The following PRKCA variants were observed in gnomAD, a reference collection of about 807,000 sequenced individuals.
PRKCA encodes protein kinase C alpha.
In PRKCA, 27 loss-of-function variants were observed where a neutral mutation model predicts 87.0. The observed-to-expected ratio is 0.31, with a 90% CI of 0.23 to 0.43. The LOEUF is 0.43. PRKCA is among the 20% of genes least tolerant of loss of function. PRKCA has a pLI of 1.00. For missense variants in PRKCA, 518 were observed against 852.3 expected (o/e 0.61, Z 4.88); for synonymous variants, 329 against 311.1 (o/e 1.06, Z -0.61).
chr17:66,807,680 C>T lies in PRKCA; in HGVS notation c.*3643C>T, dbSNP rs925999048. The T allele has an allele frequency of 2.0e-5, 3 of 152,146 alleles. No homozygotes were observed. Among genetic ancestry groups the T allele is most frequent in the East Asian group, 3.8e-4 (2 of 5,198 alleles). The allele number at this position is 152,146 out of a possible 1,614,324, so 9.4% of individuals were successfully genotyped here. A position where few individuals can be genotyped will look rare whatever the true frequency, so the allele number is the denominator to read the frequency against. ...GGGCCAAGAGCTCTGGAAGCCTGGC[C>T]GGAAAGACCAAGGTTCATGCAGCCC... is the stretch of plus-strand genomic sequence containing the variant. On this transcript the variant is annotated 3_prime_UTR_variant, in exon 17 of 17. Coordinates refer to ENST00000413366, the MANE Select transcript of PRKCA (RefSeq NM_002737.3). The surrounding 1 kb of genome is among the most constrained non-coding windows in gnomAD (Gnocchi z 4.3).
At chr17:66,551,430 A>G (rs1408122395) in intron 3 of PRKCA, among the ~76,000 whole-genome samples, 1 of 152,240 alleles carries the variant, frequency 6.6e-6, no homozygotes, top group East Asian at 1.9e-4. Context: ...TGCTTTTCGC[A>G]GGGTTTAGTT....
At chr17:66,745,250 A>G (rs929690367) in intron 13 of PRKCA, among the ~76,000 whole-genome samples, 2 of 152,220 alleles carry the variant, frequency 1.3e-5, no homozygotes, top group African/African-American at 4.8e-5. Context: ...GGGCCTCTTC[A>G]TACACAGAGA....
At chr17:66,529,525 C>T (rs1201595239) in intron 3 of PRKCA, among the ~76,000 whole-genome samples, 1 of 152,146 alleles carries the variant, frequency 6.6e-6, no homozygotes, top group East Asian at 1.9e-4. Context: ...GTGGAATTGA[C>T]ATTACCCGAT....
intron 3 of PRKCA, among the ~76,000 whole-genome samples, chr17:66,550,685 G>A (rs12940267): frequency 6.6e-6 from 1 of 152,096 alleles, no homozygotes. Flanking sequence ...TCTGGGAATA[G>A]AAATGGGAAA....
chr17:66,740,875 C>G (rs974573313), intron 11 of PRKCA, among the ~76,000 whole-genome samples: 5 of 152,152 alleles, frequency 3.3e-5, no homozygotes, highest in Admixed American at 6.5e-5. Context: ...TCACCCTCCC[C>G]CTTTCTGTAC....
rs1179107664 is a variant in PRKCA, at chr17:66,798,462, T to C, written c.1855-5411T>C. Among the ~76,000 whole-genome samples, 121 of 77,576 alleles carry C rather than the reference T, an allele frequency of 1.6e-3. 1 individual carries two copies. Among genetic ancestry groups the C allele is most frequent in the East Asian group, 3.7e-3 (9 of 2,408 alleles). The allele number at this position is 77,576 out of a possible 152,430, so 50.9% of individuals were successfully genotyped here. A position where few individuals can be genotyped will look rare whatever the true frequency, so the allele number is the denominator to read the frequency against. ...GTGGTGGTGGTGGTGACGGTGGTGG[T>C]GGTGGTGGTGGTGGTGGTGGTGGTG... On this transcript the variant is annotated intron_variant, in intron 16 of 16. Coordinates refer to ENST00000413366, the MANE Select transcript of PRKCA (RefSeq NM_002737.3).
chr17:66,390,785 C>T lies in PRKCA; in HGVS notation c.205+84658C>T, dbSNP rs1910316820. ...TGCAAAGCCATCGGAAGAGAATTCCCTATGGGGTGAGCAGCCATAGTTGGC... is the reference window on the plus strand; with the variant it reads ...TGCAAAGCCATCGGAAGAGAATTCCTTATGGGGTGAGCAGCCATAGTTGGC... On this transcript the variant is annotated intron_variant, in intron 2 of 16. Coordinates refer to ENST00000413366, the MANE Select transcript of PRKCA (RefSeq NM_002737.3). Among the ~76,000 whole-genome samples, 3 of 152,320 alleles carry T rather than the reference C, an allele frequency of 2.0e-5. No individual in the cohort carries two copies. The South Asian group carries it at 6.2e-4, about 32-fold the overall frequency.
At chr17:66,741,080 C>T (rs1223418168) in intron 11 of PRKCA, among the ~76,000 whole-genome samples, 4 of 152,150 alleles carry the variant, frequency 2.6e-5, no homozygotes, top group Admixed American at 6.5e-5. Flanking sequence ...ATATTCGCCT[C>T]CTTTTAATCT....
At chr17:66,380,930 A>G (rs11658665) in intron 2 of PRKCA, among the ~76,000 whole-genome samples, 1 of 149,190 alleles carries the variant, frequency 6.7e-6, no homozygotes, top group South Asian at 2.1e-4. Flanking sequence ...AGGTATTTTT[A>G]TTTTTTATTT....
rs1464096101 is a variant in PRKCA, at chr17:66,404,714, A to G, written c.206-91487A>G. Among the ~76,000 whole-genome samples, 11 of 123,126 alleles carry G rather than the reference A, an allele frequency of 8.9e-5. No individual in the cohort carries two copies. In the Admixed American group the frequency reaches 1.0e-3, roughly 11 times the overall value. The allele number at this position is 123,126 out of a possible 152,430, so 80.8% of individuals were successfully genotyped here. ...CTCAGTCTCTGTTCCACACACTCCCATGCTGGCTGCTGGAAAGGATGGTAG... is the reference window on the plus strand; with the variant it reads ...CTCAGTCTCTGTTCCACACACTCCCGTGCTGGCTGCTGGAAAGGATGGTAG... On this transcript the variant is annotated intron_variant, in intron 2 of 16. Coordinates refer to ENST00000413366, the MANE Select transcript of PRKCA (RefSeq NM_002737.3).
chr17:66,417,355 G>C (rs1041554618), intron 2 of PRKCA, among the ~76,000 whole-genome samples: 4 of 152,126 alleles, frequency 2.6e-5, no homozygotes, highest in Non-Finnish European at 5.9e-5. Flanking sequence ...GTGAACTTTG[G>C]TCCCTAAAGA....
chr17:66,694,480 C>CAAAAA (rs57941055), intron 8 of PRKCA, among the ~76,000 whole-genome samples: 3 of 35,206 alleles, frequency 8.5e-5, no homozygotes, highest in African/African-American at 2.7e-4. Context: ...GACTCTGTCT[C>CAAAAA]AAAAAAAAAA....
At chr17:66,715,900 A>T (rs1973461055) in intron 8 of PRKCA, among the ~76,000 whole-genome samples, 1 of 152,202 alleles carries the variant, frequency 6.6e-6, no homozygotes, top group Non-Finnish European at 1.5e-5. Context: ...ATACCACAAG[A>T]GGGCAGTAAA....
intron 2 of PRKCA, among the ~76,000 whole-genome samples, chr17:66,436,774 G>C (rs947029497): frequency 2.6e-5 from 4 of 152,176 alleles, no homozygotes; most frequent in Non-Finnish European, 5.9e-5. Flanking sequence ...GAAAGACACA[G>C]ACAATGGAAT....
intron 3 of PRKCA, among the ~76,000 whole-genome samples, chr17:66,569,420 T>G (rs1352242924): frequency 6.6e-6 from 1 of 151,984 alleles, no homozygotes; most frequent in Non-Finnish European, 1.5e-5. Flanking sequence ...AATACAAAAA[T>G]TAGCCAGGCA....
intron 8 of PRKCA, among the ~76,000 whole-genome samples, chr17:66,726,811 G>A (rs1050707562): frequency 1.3e-5 from 2 of 151,388 alleles, no homozygotes; most frequent in South Asian, 2.1e-4. Context: ...TGCAACCTTC[G>A]CCTCCTGGGT....
At chr17:66,687,370 C>T (rs1972658912) in intron 6 of PRKCA, 103 bp downstream of exon 6, 1 of 1,327,258 alleles carries the variant, frequency 7.5e-7, no homozygotes, top group Non-Finnish European at 1.0e-6. Flanking sequence ...CGTCTTTAAA[C>T]ATGTCTTCAG....
intron 13 of PRKCA, among the ~76,000 whole-genome samples, chr17:66,755,049 A>T (rs926620393): frequency 3.3e-5 from 5 of 152,136 alleles, no homozygotes; most frequent in Non-Finnish European, 5.9e-5. Flanking sequence ...TTCTAGACCC[A>T]GTCGCTCCAC....
intron 3 of PRKCA, among the ~76,000 whole-genome samples, chr17:66,629,465 G>T (rs1181592606): frequency 6.6e-6 from 1 of 152,092 alleles, no homozygotes; most frequent in Non-Finnish European, 1.5e-5. Context: ...AAAATGATGG[G>T]ATCTTGCAGA....
Sources: gnomAD v4.1 joint callset for allele counts (sites outside exome capture counted in the v4.1 genomes callset) on GRCh38, gnomAD v4.1.1 for gene constraint, Gnocchi (gnomAD v3.1) non-coding constraint, MANE v1.5 for transcripts, NCBI Gene and HGNC (gene_info 2026-07-23, HGNC 2026-07-21) for gene names.